RBBP4: variants seen among roughly 807,000 people sequenced by gnomAD.
RBBP4 encodes RB binding protein 4, chromatin remodeling factor.
Under a neutral mutation model 57.2 loss-of-function variants are expected in RBBP4, and 3 were observed. The observed-to-expected ratio is 0.05, with a 90% CI of 0.02 to 0.14. RBBP4 has a LOEUF of 0.14. RBBP4 is among the 10% of genes least tolerant of loss of function. The probability of loss-of-function intolerance (pLI) is 1.00; values close to 1 mark genes in which losing one functional copy is unlikely to be tolerated. For synonymous variants in RBBP4, 151 were observed against 171.5 expected, an observed-to-expected ratio of 0.88 and a Z score of 0.93; for missense variants, 107 against 520.6, an observed-to-expected ratio of 0.21 and a Z score of 7.73.
chr1:32,663,646 C>T (rs1407529058), intron 3 of RBBP4, among the ~76,000 whole-genome samples: 1 of 151,874 alleles, frequency 6.6e-6, no homozygotes, highest in Admixed American at 6.6e-5. Flanking sequence ...GCATGATCTC[C>T]GCTTACTGCA....
At chr1:32,674,597 G>C (rs1460729609) in intron 11 of RBBP4, among the ~76,000 whole-genome samples, 1 of 151,544 alleles carries the variant, frequency 6.6e-6, no homozygotes, top group Non-Finnish European at 1.5e-5. Context: ...GAATTCAGAA[G>C]AAACTTGGTG....
chr1:32,661,725 T>C lies in RBBP4; in HGVS notation c.310+4153T>C, dbSNP rs576386477. On this transcript the variant is annotated intron_variant, in intron 3 of 11. Coordinates refer to ENST00000373493, the MANE Select transcript of RBBP4 (RefSeq NM_005610.3). ...ACCATGTTATTTTTCAACTTTTTAA[T>C]AATAGCCATTCTGACTGGTGTGAGA... is the stretch of plus-strand genomic sequence containing the variant. Among the ~76,000 whole-genome samples the C allele has an allele frequency of 1.6e-4, 24 of 152,096 alleles. 1 individual carries two copies. Among genetic ancestry groups the C allele is most frequent in the Admixed American group, 1.4e-3 (21 of 15,238 alleles).
chr1:32,678,255 G>A (rs923397245), intron 11 of RBBP4, among the ~76,000 whole-genome samples: 1 of 151,992 alleles, frequency 6.6e-6, no homozygotes, highest in Admixed American at 6.6e-5. Flanking sequence ...TTTTTTAGAC[G>A]AAGTCTTGCC....
At chr1:32,654,754 C>G (rs1422860045) in intron 2 of RBBP4, among the ~76,000 whole-genome samples, 5 of 152,194 alleles carry the variant, frequency 3.3e-5, no homozygotes, top group Admixed American at 1.3e-4. Flanking sequence ...AGTGCAGTGG[C>G]ATGATCTGAG....
At chr1:32,653,006 T>TG (rs2148514513) in intron 2 of RBBP4, among the ~76,000 whole-genome samples, 1 of 152,252 alleles carries the variant, frequency 6.6e-6, no homozygotes, top group Non-Finnish European at 1.5e-5. Flanking sequence ...CACCTGAAGG[T>TG]GGAATGGCTT....
chr1:32,668,494 T>G (rs993858515), intron 4 of RBBP4, 96 bp downstream of exon 4: 12 of 1,274,490 alleles, frequency 9.4e-6, no homozygotes, highest in Middle Eastern at 1.9e-4. Flanking sequence ...CTGTGTAATT[T>G]AACATCTTGT....
intron 11 of RBBP4, among the ~76,000 whole-genome samples, chr1:32,675,497 C>T (rs551068524): frequency 1.4e-4 from 21 of 150,304 alleles, no homozygotes; most frequent in African/African-American, 3.9e-4. Context: ...GGGCCAGGTG[C>T]GGTGGCTCAC....
chr1:32,651,731 G>T, intron 1 of RBBP4, 183 bp from the exon 2 acceptor site: 1 of 823,344 alleles, frequency 1.2e-6, no homozygotes, highest in Non-Finnish European at 1.9e-6. Context: ...GGAGTGTTTG[G>T]CGGGGATGGC....
chr1:32,672,914 T>C lies in RBBP4; in HGVS notation c.1212+13T>C, dbSNP rs757449550. ...AGTGTGGCAAATGGTAAGGGTTTAGTAATTTATTTTGGGGAGGTGAAATAA... is the reference window on the plus strand; with the variant it reads ...AGTGTGGCAAATGGTAAGGGTTTAGCAATTTATTTTGGGGAGGTGAAATAA... On this transcript the variant is annotated intron_variant, in intron 11 of 11. Transcript: ENST00000373493. The C allele has an allele frequency of 6.3e-5, 100 of 1,583,220 alleles. No homozygotes were observed. Among genetic ancestry groups the C allele is most frequent in the Non-Finnish European group, 8.7e-5 (100 of 1,154,236 alleles).
At chr1:32,675,126 G>A (rs1015268812) in intron 11 of RBBP4, among the ~76,000 whole-genome samples, 12 of 151,750 alleles carry the variant, frequency 7.9e-5, no homozygotes, top group Non-Finnish European at 2.9e-5. Context: ...CGCCTCCTGG[G>A]TTCAAGCGAT....
rs1240186027 is a variant in RBBP4, at chr1:32,685,766, T to G, written c.*6061T>G. ...CAAAAGTACATGCTTGGAAAAGCAG[T>G]CTGCACCACCAGTGATAAGCTGTGA... On this transcript the variant is annotated 3_prime_UTR_variant, in exon 12 of 12. Coordinates refer to ENST00000373493, the MANE Select transcript of RBBP4 (RefSeq NM_005610.3). The G allele has an allele frequency of 6.6e-6, 1 of 152,208 alleles. No homozygotes were observed. Among genetic ancestry groups the G allele is most frequent in the Non-Finnish European group, 1.5e-5 (1 of 68,056 alleles). The allele number at this position is 152,208 out of a possible 1,614,324, so 9.4% of individuals were successfully genotyped here. A position where few individuals can be genotyped will look rare whatever the true frequency, so the allele number is the denominator to read the frequency against.
In RBBP4 at chr1:32,662,363, T is replaced by TTTG. The variant is rs538944772; in HGVS notation, c.310+4813_310+4815dup. 928 of 178,090 alleles carry TTTG rather than the reference T, an allele frequency of 5.2e-3. 9 individuals are homozygous for TTTG. The highest frequency in any genetic ancestry group is 0.04 in the East Asian group (225 of 5,638). 11.0% of individuals were successfully genotyped at this position (178,090 alleles called of 1,614,324 possible). ...GTACCCGCCACCACACCAGCTAATT[T>TTTG]TTGTTGTTGTTGTTGTTGTTGTTGC... On this transcript the variant is annotated intron_variant, in intron 3 of 11. Coordinates refer to ENST00000373493, the MANE Select transcript of RBBP4 (RefSeq NM_005610.3).
chr1:32,664,173 T>A (rs1160892061), intron 3 of RBBP4, among the ~76,000 whole-genome samples: 1 of 152,138 alleles, frequency 6.6e-6, no homozygotes, highest in Non-Finnish European at 1.5e-5. Flanking sequence ...CTGTCAAATT[T>A]AACAGTGAGG....
chr1:32,661,955 G>A (rs1223357990), intron 3 of RBBP4, among the ~76,000 whole-genome samples: 7 of 119,640 alleles, frequency 5.9e-5, no homozygotes, highest in African/African-American at 2.2e-4. Context: ...TGGCAATCTC[G>A]GCTCACTGCA....
At position 32,684,739 on chromosome 1, in the gene RBBP4, T is replaced by C. The variant is rs1467221604; in HGVS notation, c.*5034T>C. The C allele has an allele frequency of 5.7e-6, 1 of 175,796 alleles. No homozygotes were observed. The highest frequency in any genetic ancestry group is 2.4e-5 in the African/African-American group (1 of 42,228). The allele number at this position is 175,796 out of a possible 1,614,324, so 10.9% of individuals were successfully genotyped here. A position where few individuals can be genotyped will look rare whatever the true frequency, so the allele number is the denominator to read the frequency against. ...ATATACCTCTCCCTCCATGTGCAGGTTTGTTAAGATAATTGGTAGTTTTTA... is the reference window on the plus strand; with the variant it reads ...ATATACCTCTCCCTCCATGTGCAGGCTTGTTAAGATAATTGGTAGTTTTTA... On this transcript the variant is annotated 3_prime_UTR_variant, in exon 12 of 12. Transcript: ENST00000373493.
intron 2 of RBBP4, among the ~76,000 whole-genome samples, chr1:32,655,855 C>A (rs1648117657): frequency 6.6e-6 from 1 of 152,164 alleles, no homozygotes; most frequent in Non-Finnish European, 1.5e-5. Flanking sequence ...CCCATCTAGG[C>A]CAGGGGTTCT....
chr1:32,657,356 C>T, intron 2 of RBBP4, 71 bp from the exon 3 acceptor site: 3 of 1,445,584 alleles, frequency 2.1e-6, no homozygotes, highest in Admixed American at 1.8e-5. Context: ...CTTTGACATA[C>T]ATGTATATTG....
chr1:32,683,514 T>C lies in RBBP4; in HGVS notation c.*3809T>C, dbSNP rs1255882148. ...TTCATGGTGATAATCAGGGCATATT[T>C]TGAGTCCTACTAGAAACAAACATTC... On this transcript the variant is annotated 3_prime_UTR_variant, in exon 12 of 12. Coordinates refer to ENST00000373493, the MANE Select transcript of RBBP4 (RefSeq NM_005610.3). 1 of 152,788 alleles carries C rather than the reference T, an allele frequency of 6.5e-6. No individual in the cohort carries two copies. Among genetic ancestry groups the C allele is most frequent in the Non-Finnish European group, 1.5e-5 (1 of 68,508 alleles). The allele number at this position is 152,788 out of a possible 1,614,324, so 9.5% of individuals were successfully genotyped here.
chr1:32,651,676 C>T (rs1423840024), intron 1 of RBBP4: 3 of 747,936 alleles, frequency 4.0e-6, no homozygotes, highest in South Asian at 4.3e-5. Flanking sequence ...CGCGCACGAG[C>T]GTGCTCCGAA....
Sources: allele counts gnomAD v4.1 joint callset (sites outside exome capture counted in the v4.1 genomes callset), GRCh38; gene constraint gnomAD v4.1.1; transcripts MANE v1.5; gene names NCBI Gene and HGNC (gene_info 2026-07-23, HGNC 2026-07-21).